The following NR4A3 variants were observed in gnomAD, a reference collection of about 807,000 sequenced individuals.
NR4A3 encodes the protein nuclear receptor subfamily 4 group A member 3.
A neutral mutation model predicts 55.6 loss-of-function variants in NR4A3; 13 were observed. That is an observed-to-expected ratio of 0.23 (90% CI 0.15 to 0.37). The LOEUF is 0.37. Among genes scored for constraint, NR4A3 ranks in the 10% least tolerant of loss-of-function variants. The pLI is 1.00. For missense variants in NR4A3, 646 were observed against 822.8 expected (o/e 0.79, Z 2.63); for synonymous variants, 342 against 357.9 (o/e 0.96, Z 0.50).
chr9:99,833,286 C>T lies in NR4A3; in HGVS notation c.1086C>T (p.Val362=). Residue 362 remains valine, a synonymous_variant, in exon 5 of 8, where the codon GTC becomes GTT. Coordinates refer to ENST00000395097, the MANE Select transcript of NR4A3 (RefSeq NM_006981.4). ...CTTTGTCTCTTTTGGCATCAGTTGT[C>T]CGTACAGATAGTCTGAAAGGGAGGA... is the stretch of plus-strand genomic sequence containing the variant. ...CLSVGMVKEV[V]RTDSLKGRRG... 6.3e-7 allele frequency: 1 copy of T among 1,598,372 alleles called. No homozygotes were observed. Among genetic ancestry groups the T allele is most frequent in the Non-Finnish European group, 8.5e-7 (1 of 1,172,538 alleles).
chr9:99,848,268 A>T (rs1227061883), intron 7 of NR4A3, among the ~76,000 whole-genome samples: 2 of 152,244 alleles, frequency 1.3e-5, no homozygotes, highest in Non-Finnish European at 2.9e-5. Flanking sequence ...ACTTGATTTA[A>T]TAACTTCGAT....
intron 5 of NR4A3, among the ~76,000 whole-genome samples, chr9:99,839,317 C>G (rs1827610152): frequency 6.6e-6 from 1 of 152,100 alleles, no homozygotes; most frequent in South Asian, 2.1e-4. Flanking sequence ...ATTTTTAGAG[C>G]TATAGTTGAG....
At chr9:99,843,796 C>T (rs892850646) in intron 5 of NR4A3, among the ~76,000 whole-genome samples, 1 of 151,776 alleles carries the variant, frequency 6.6e-6, no homozygotes, top group African/African-American at 2.4e-5. Context: ...CTCTGGCACC[C>T]ATGCTGGAGT....
intron 5 of NR4A3, among the ~76,000 whole-genome samples, chr9:99,838,255 G>A (rs1260887076): frequency 6.6e-6 from 1 of 152,162 alleles, no homozygotes; most frequent in Admixed American, 6.5e-5. Flanking sequence ...GTATTTTTCA[G>A]CATACTAGGA....
At chr9:99,837,196 C>T (rs1348660238) in intron 5 of NR4A3, among the ~76,000 whole-genome samples, 2 of 152,118 alleles carry the variant, frequency 1.3e-5, no homozygotes, top group Non-Finnish European at 2.9e-5. Flanking sequence ...TATATTCTTA[C>T]ATAATTTCAC....
In NR4A3 at chr9:99,863,627, TG is replaced by T. The variant is rs1200329166; in HGVS notation, c.1644del (p.Leu549Ter). ...SALSMITERH[G>X]LKEPKRVEEL... ...TTCTCTATCCCTCTGCAGAAAGACA[TG>T]GGTTAAAAGAACCAAAGAGAGTCGA... On this transcript the variant is annotated frameshift_variant, in exon 8 of 8. Coordinates refer to ENST00000395097, the MANE Select transcript of NR4A3 (RefSeq NM_006981.4). LOFTEE classifies it high-confidence loss of function. 1 of 1,613,326 alleles carries T rather than the reference TG, an allele frequency of 6.2e-7. No individual in the cohort carries two copies. Among genetic ancestry groups the T allele is most frequent in the Admixed American group, 1.7e-5 (1 of 59,846 alleles).
At chr9:99,838,165 G>C (rs949293779) in intron 5 of NR4A3, among the ~76,000 whole-genome samples, 4 of 152,166 alleles carry the variant, frequency 2.6e-5, no homozygotes, top group African/African-American at 9.7e-5. Flanking sequence ...AGTATGTATA[G>C]ATACTGGGAT....
chr9:99,860,094 CATAGG>C (rs1242339632), intron 7 of NR4A3, among the ~76,000 whole-genome samples: 1 of 152,066 alleles, frequency 6.6e-6, no homozygotes, highest in Non-Finnish European at 1.5e-5. Flanking sequence ...CCCAAAACCC[CATAGG>C]TATTTTCACG....
At chr9:99,863,562 A>G in intron 7 of NR4A3, 58 bp from the exon 8 acceptor site, 3 of 1,553,164 alleles carry the variant, frequency 1.9e-6, no homozygotes, top group South Asian at 1.2e-5. Flanking sequence ...TAGGGATTCA[A>G]AGTGTCTTAA....
intron 2 of NR4A3, among the ~76,000 whole-genome samples, chr9:99,827,814 G>C (rs1827331867): frequency 6.6e-6 from 1 of 152,168 alleles, no homozygotes; most frequent in South Asian, 2.1e-4. Context: ...ATAGGTACAG[G>C]AGTCCACAGG....
At position 99,828,885 on chromosome 9, in the gene NR4A3, C is replaced by A; in HGVS notation, c.843C>A (p.Pro281=). ...LGESPSLPSP[P]SRSSSSGEGT... ...AGAGTCCCAGCCTGCCGTCGCCGCCCAGCAGGAGCTCGTCGTCTGGCGAGG... is the reference window on the plus strand; with the variant it reads ...AGAGTCCCAGCCTGCCGTCGCCGCCAAGCAGGAGCTCGTCGTCTGGCGAGG... Residue 281 remains proline, a synonymous_variant, in exon 3 of 8, where the codon CCC becomes CCA. Coordinates refer to ENST00000395097, the MANE Select transcript of NR4A3 (RefSeq NM_006981.4). The surrounding 1 kb of genome is among the most constrained non-coding windows in gnomAD (Gnocchi z 7.7). 6.6e-7 allele frequency: 1 copy of A among 1,507,484 alleles called. No individual in the cohort carries two copies. 93.4% of individuals were successfully genotyped at this position (1,507,484 alleles called of 1,614,324 possible). A position where few individuals can be genotyped will look rare whatever the true frequency, so the allele number is the denominator to read the frequency against.
rs1174682386 is a variant in NR4A3 at position 99,865,422 on chromosome 9, G to A, written c.*1555G>A. On this transcript the variant is annotated 3_prime_UTR_variant, in exon 8 of 8. Coordinates refer to ENST00000395097, the MANE Select transcript of NR4A3 (RefSeq NM_006981.4). This position sits in a 1 kb window ranked among gnomAD's most constrained non-coding sequence, Gnocchi z 4.3. ...CGTTATTTTATGGTTCATTTGCAGTGACTTTTAAGGCAGTACTGTTTAGCA... is the reference window on the plus strand; with the variant it reads ...CGTTATTTTATGGTTCATTTGCAGTAACTTTTAAGGCAGTACTGTTTAGCA... 1.7e-5 allele frequency: 3 copies of A among 181,008 alleles called. No homozygotes were observed. The East Asian group carries it at 2.7e-4, about 16-fold the overall frequency. 11.2% of individuals were successfully genotyped at this position (181,008 alleles called of 1,614,324 possible). A position where few individuals can be genotyped will look rare whatever the true frequency, so the allele number is the denominator to read the frequency against.
chr9:99,834,029 A>G (rs1231118562), intron 5 of NR4A3: 1 of 1,091,204 alleles, frequency 9.2e-7, no homozygotes, highest in Non-Finnish European at 1.1e-6. Flanking sequence ...TCCTGCCTAC[A>G]GTGGAAATGG....
intron 5 of NR4A3, among the ~76,000 whole-genome samples, chr9:99,840,316 G>A (rs1827630870): frequency 6.6e-6 from 1 of 152,198 alleles, no homozygotes; most frequent in South Asian, 2.1e-4. Context: ...AGCCCAGCAG[G>A]GGCAGAAGCC....
chr9:99,850,873 A>G (rs1429203305), intron 7 of NR4A3, among the ~76,000 whole-genome samples: 1 of 152,172 alleles, frequency 6.6e-6, no homozygotes, highest in African/African-American at 2.4e-5. Flanking sequence ...GATTCCCTCA[A>G]GTTAGGCATA....
At chr9:99,861,890 A>T (rs1828014139) in intron 7 of NR4A3, among the ~76,000 whole-genome samples, 1 of 152,066 alleles carries the variant, frequency 6.6e-6, no homozygotes, top group African/African-American at 2.4e-5. Context: ...CAAGAGTTCA[A>T]GACCAGCCTG....
At chr9:99,824,609 G>C (rs890424827) in intron 1 of NR4A3, among the ~76,000 whole-genome samples, 1 of 152,194 alleles carries the variant, frequency 6.6e-6, no homozygotes, top group Admixed American at 6.5e-5. Flanking sequence ...GGCAAGCCCC[G>C]GGCTCAGGGG....
intron 2 of NR4A3, chr9:99,826,912 G>A (rs1587871150): frequency 8.1e-6 from 9 of 1,106,356 alleles, no homozygotes; most frequent in East Asian, 2.4e-5. Flanking sequence ...CTTTGGCTCA[G>A]AAAAACCAAC....
At chr9:99,863,354 A>T (rs777882636) in intron 7 of NR4A3, among the ~76,000 whole-genome samples, 1 of 152,104 alleles carries the variant, frequency 6.6e-6, no homozygotes, top group Non-Finnish European at 1.5e-5. Flanking sequence ...GGGTATGATC[A>T]TTTTCTTCAT....
Sources: gnomAD v4.1 joint callset for allele counts (sites outside exome capture counted in the v4.1 genomes callset) on GRCh38, gnomAD v4.1.1 for gene constraint, Gnocchi (gnomAD v3.1) non-coding constraint, MANE v1.5 for transcripts, NCBI Gene and HGNC (gene_info 2026-07-23, HGNC 2026-07-21) for gene names.